PTPRD: variants seen among roughly 807,000 people sequenced by gnomAD.
The protein encoded by PTPRD is receptor-type tyrosine-protein phosphatase delta.
In PTPRD, 34 loss-of-function variants were observed where a neutral mutation model predicts 214.5. The ratio of observed to expected loss-of-function variants is 0.16; its 90% CI spans 0.12 to 0.21. The LOEUF is 0.21. Ranked by LOEUF, PTPRD falls within the 10% of genes least tolerant of loss-of-function variation. The pLI, the probability that PTPRD is intolerant of heterozygous loss-of-function variation, is 1.00. For synonymous variants in PTPRD, 1,128 were observed against 845.7 expected, an observed-to-expected ratio of 1.33 and a Z score of -5.79; for missense variants, 2,545 against 2,398.7, an observed-to-expected ratio of 1.06 and a Z score of -1.27.
At chr9:8,996,571 C>G (rs897951243) in intron 11 of PTPRD, among the ~76,000 whole-genome samples, 2 of 151,936 alleles carry the variant, frequency 1.3e-5, no homozygotes, top group Non-Finnish European at 2.9e-5. Context: ...AGTTTATAAA[C>G]AGAAATTTAT....
chr9:9,129,127 C>T (rs764834679), intron 10 of PTPRD, among the ~76,000 whole-genome samples: 5 of 152,320 alleles, frequency 3.3e-5, no homozygotes, highest in Admixed American at 1.3e-4. Flanking sequence ...CAGTGGCTCA[C>T]GCCTGTAATC....
intron 2 of PTPRD, among the ~76,000 whole-genome samples, chr9:10,478,189 G>C (rs1017665084): frequency 6.6e-6 from 1 of 151,974 alleles, no homozygotes; most frequent in Non-Finnish European, 1.5e-5. Flanking sequence ...CGAATTCACA[G>C]TATGTTAAAC....
chr9:8,806,083 C>G (rs1179257313), intron 11 of PTPRD, among the ~76,000 whole-genome samples: 1 of 151,478 alleles, frequency 6.6e-6, no homozygotes, highest in Admixed American at 6.6e-5. Flanking sequence ...ACCACTATGC[C>G]CAGCTAATTT....
In PTPRD at chr9:10,095,591, T is replaced by C. The variant is rs541149430; in HGVS notation, c.-544-61801A>G. The stretch of plus-strand genomic sequence containing the variant: ...ACAGCGTGAATAACAAACATGATAT[T>C]TGATAAAATAATGAAGACTGAGATA... On this transcript the variant is annotated intron_variant, in intron 3 of 45. Coordinates refer to ENST00000381196, the MANE Select transcript of PTPRD (RefSeq NM_002839.4). Among the ~76,000 whole-genome samples the C allele has an allele frequency of 7.3e-5, 11 of 151,630 alleles. No individual in the cohort carries two copies. The South Asian group carries it at 1.0e-3, about 14-fold the overall frequency.
At chr9:9,152,547 T>C (rs967608266) in intron 10 of PTPRD, among the ~76,000 whole-genome samples, 3 of 151,504 alleles carry the variant, frequency 2.0e-5, no homozygotes, top group African/African-American at 7.4e-5. Flanking sequence ...AAGAAAGAAT[T>C]CAGGAAAAAA....
At chr9:10,336,168 G>A (rs1352102376) in intron 3 of PTPRD, among the ~76,000 whole-genome samples, 1 of 151,724 alleles carries the variant, frequency 6.6e-6, no homozygotes, top group Non-Finnish European at 1.5e-5. Flanking sequence ...TATTGATATG[G>A]TATGCTTCTA....
At chr9:9,307,459 G>C (rs1452638662) in intron 9 of PTPRD, among the ~76,000 whole-genome samples, 1 of 152,118 alleles carries the variant, frequency 6.6e-6, no homozygotes, top group Non-Finnish European at 1.5e-5. Flanking sequence ...ATAAGCTTAA[G>C]GGTACGATTG....
At chr9:10,572,932 T>C (rs1012671424) in intron 2 of PTPRD, among the ~76,000 whole-genome samples, 1 of 152,140 alleles carries the variant, frequency 6.6e-6, no homozygotes, top group Non-Finnish European at 1.5e-5. Flanking sequence ...TGCTTTTGTT[T>C]TATAGCATGT....
At position 8,340,328 on chromosome 9, in the gene PTPRD, G is replaced by C. The variant is rs564399779; in HGVS notation, c.5253+15C>G. The stretch of plus-strand genomic sequence containing the variant: ...AAATGTCTTATGAGGAGACACACAA[G>C]GGCCACACACTTACTCTGCCCATTT... On this transcript the variant is annotated intron_variant, in intron 42 of 45. Transcript: ENST00000381196. 6.2e-5 allele frequency: 98 copies of C among 1,586,262 alleles called. 5 individuals carry two copies. Among genetic ancestry groups the C allele is most frequent in the Middle Eastern group, 3.4e-4 (2 of 5,958 alleles).
At chr9:8,328,144 AG>A (rs1395670833) in intron 44 of PTPRD, among the ~76,000 whole-genome samples, 1 of 152,178 alleles carries the variant, frequency 6.6e-6, no homozygotes, top group Non-Finnish European at 1.5e-5. Flanking sequence ...GTGTTTTTGC[AG>A]TGGCTGGTAC....
At chr9:10,418,572 C>A (rs1309572283) in intron 2 of PTPRD, among the ~76,000 whole-genome samples, 1 of 150,994 alleles carries the variant, frequency 6.6e-6, no homozygotes, top group African/African-American at 2.4e-5. Flanking sequence ...AATTTTAAAT[C>A]TTTGTTATTA....
chr9:8,499,791 T>C lies in PTPRD; in HGVS notation c.2178A>G (p.Thr726=), dbSNP rs753060383. 8.1e-6 allele frequency: 13 copies of C among 1,613,640 alleles called. No homozygotes were observed. The East Asian group carries it at 2.2e-4, about 28-fold the overall frequency. Residue 726 remains threonine (T), a synonymous_variant, in exon 25 of 46, where the codon ACA becomes ACG. Coordinates refer to ENST00000381196, the MANE Select transcript of PTPRD (RefSeq NM_002839.4). ...RKVEVEAVNS[T]SVKVSWRSPV... ...GTGAGCGCCATGAGACTTTAACAGA[T>C]GTTGAGTTGACAGCCTCTACCTCGA...
intron 14 of PTPRD, among the ~76,000 whole-genome samples, chr9:8,604,777 G>A (rs1021174919): frequency 6.6e-6 from 1 of 152,166 alleles, no homozygotes; most frequent in African/African-American, 2.4e-5. Flanking sequence ...AAGTAAGTCT[G>A]TGAGTTTTCA....
intron 4 of PTPRD, among the ~76,000 whole-genome samples, chr9:9,947,316 T>A (rs1311268409): frequency 1.3e-5 from 1 of 79,150 alleles, no homozygotes; most frequent in South Asian, 3.4e-4. Context: ...TATATATATA[T>A]TATATATATT....
rs79227505 is a variant in PTPRD, at chr9:8,565,394, C to T, written c.353-36615G>A. ...AAGAAATAAACTATTAATTCACTACCCACAGAAAGGATAACATTCATTTGT... is the reference window on the plus strand; with the variant it reads ...AAGAAATAAACTATTAATTCACTACTCACAGAAAGGATAACATTCATTTGT... On this transcript the variant is annotated intron_variant, in intron 14 of 45. Transcript: ENST00000381196. 8.1e-3 allele frequency among the ~76,000 whole-genome samples: 1,236 copies of T among 152,274 alleles called. 19 individuals are homozygous for T. The highest frequency in any genetic ancestry group is 0.028 in the African/African-American group (1,163 of 41,552).
At chr9:9,450,856 A>G (rs554932839) in intron 8 of PTPRD, among the ~76,000 whole-genome samples, 2 of 151,742 alleles carry the variant, frequency 1.3e-5, no homozygotes, top group South Asian at 2.1e-4. Flanking sequence ...ATCAAAATAA[A>G]TCTTTCCAAA....
intron 41 of PTPRD, 107 bp from the exon 42 acceptor site, chr9:8,340,576 T>G: frequency 9.0e-7 from 1 of 1,107,080 alleles, no homozygotes; most frequent in Non-Finnish European, 1.2e-6. Context: ...GAAAACATAT[T>G]ATTAATGCAA....
At chr9:9,580,544 TTTC>T (rs1484282230) in intron 7 of PTPRD, among the ~76,000 whole-genome samples, 10 of 145,208 alleles carry the variant, frequency 6.9e-5, no homozygotes, top group Non-Finnish European at 1.5e-4. Flanking sequence ...CTTACTTTAT[TTTC>T]TTTTTTTTTT....
At chr9:10,451,539 T>C (rs1270742046) in intron 2 of PTPRD, among the ~76,000 whole-genome samples, 1 of 151,670 alleles carries the variant, frequency 6.6e-6, no homozygotes, top group East Asian at 1.9e-4. Flanking sequence ...TTCAGACTGT[T>C]CATTATCTGT....
Sources: allele counts gnomAD v4.1 joint callset (sites outside exome capture counted in the v4.1 genomes callset), GRCh38; gene constraint gnomAD v4.1.1; transcripts MANE v1.5; gene names NCBI Gene and HGNC (gene_info 2026-07-23, HGNC 2026-07-21).